The following JAML variants were observed in gnomAD, a reference collection of about 807,000 sequenced individuals.
The protein encoded by JAML is junctional adhesion molecule-like.
JAML carries 25 observed loss-of-function variants against 39.3 expected under a neutral mutation model. The observed-to-expected ratio is 0.64, with a 90% CI of 0.46 to 0.89. The LOEUF (loss-of-function observed/expected upper bound fraction) is 0.89, where lower values mean the gene tolerates loss of function less well. Ranked by LOEUF, JAML falls within the 40% of genes least tolerant of loss-of-function variation. The pLI is 0.00. For synonymous variants in JAML, 162 were observed against 179.2 expected (o/e 0.90, Z 0.77); for missense variants, 440 against 486.9 (o/e 0.90, Z 0.91).
chr11:118,201,830 A>G (rs1948806618), intron 6 of JAML: 1 of 152,232 alleles, frequency 6.6e-6, no homozygotes, highest in East Asian at 1.9e-4. Context: ...GGGGTCTAGG[A>G]AAGGGAAAGA....
intron 2 of JAML, chr11:118,213,365 T>C (rs978580532): frequency 1.4e-5 from 14 of 993,550 alleles, no homozygotes; most frequent in Non-Finnish European, 1.7e-5. Flanking sequence ...GTGATGGGAA[T>C]GAACAGAAAA....
intron 2 of JAML, among the ~76,000 whole-genome samples, chr11:118,214,085 A>C (rs1194203868): frequency 6.6e-6 from 1 of 152,194 alleles, no homozygotes; most frequent in Admixed American, 6.5e-5. Context: ...GAGAAAAAGA[A>C]AAGGCTATGA....
intron 7 of JAML, 134 bp from the exon 8 acceptor site, chr11:118,198,225 C>G (rs1948701259): frequency 1.4e-6 from 1 of 702,194 alleles, no homozygotes; most frequent in South Asian, 1.8e-5. Flanking sequence ...ACTCCTACAG[C>G]CAGGGCTACC....
Position 118,222,514 on chromosome 11 carries a change from T to C in JAML, c.-21+2427A>G, listed in dbSNP as rs1949219595. On this transcript the variant is annotated intron_variant, in intron 1 of 9. Coordinates refer to ENST00000356289, the MANE Select transcript of JAML (RefSeq NM_001098526.2). This position sits in a 1 kb window ranked among gnomAD's most constrained non-coding sequence, Gnocchi z 4.2. ...TTCTGTCTGTCTGTGTATTTATATG[T>C]GTTGTATGTATAGTATTTATATAAA... 2.0e-5 allele frequency among the ~76,000 whole-genome samples: 3 copies of C among 152,222 alleles called. No homozygotes were observed. The South Asian group carries it at 6.2e-4, about 31-fold the overall frequency.
intron 1 of JAML, among the ~76,000 whole-genome samples, chr11:118,221,560 G>C (rs548095291): frequency 6.6e-6 from 1 of 152,192 alleles, no homozygotes; most frequent in African/African-American, 2.4e-5. Context: ...GATCTGAAAG[G>C]AGGCAGAGCT....
Position 118,222,398 on chromosome 11 carries a change from G to A in JAML, c.-21+2543C>T, listed in dbSNP as rs541775249. Among the ~76,000 whole-genome samples, 16 of 151,978 alleles carry A rather than the reference G, an allele frequency of 1.1e-4. No homozygotes were observed. The highest frequency in any genetic ancestry group is 2.7e-4 in the African/African-American group (11 of 41,476). ...TCGCACCACTGCATTCCAACCTGGC[G>A]ACAGAGCGAGACTCCATCTAAACAA... On this transcript the variant is annotated intron_variant, in intron 1 of 9. Transcript: ENST00000356289. This position sits in a 1 kb window ranked among gnomAD's most constrained non-coding sequence, Gnocchi z 4.2.
intron 9 of JAML, 40 bp downstream of exon 9, chr11:118,196,695 C>G: frequency 6.4e-7 from 1 of 1,558,148 alleles, no homozygotes; most frequent in East Asian, 2.2e-5. Context: ...CCACCTGAGC[C>G]TCTGACACCT....
chr11:118,196,540 C>T (rs1274673507), intron 9 of JAML, among the ~76,000 whole-genome samples, 195 bp downstream of exon 9: 2 of 152,180 alleles, frequency 1.3e-5, no homozygotes, highest in South Asian at 2.1e-4. Context: ...TGGTGATAAC[C>T]TTTAATCCTT....
At chr11:118,208,388 C>T (rs957692622) in intron 4 of JAML, among the ~76,000 whole-genome samples, 6 of 152,202 alleles carry the variant, frequency 3.9e-5, no homozygotes, top group African/African-American at 1.4e-4. Context: ...TACTACAACT[C>T]CATTTTTTAG....
At chr11:118,220,323 C>A (rs1949196976) in intron 1 of JAML, among the ~76,000 whole-genome samples, 1 of 152,196 alleles carries the variant, frequency 6.6e-6, no homozygotes, top group Non-Finnish European at 1.5e-5. Flanking sequence ...AGAAAGTGCA[C>A]CCAAGTCCAT....
chr11:118,201,320 C>T (rs1242735864), intron 6 of JAML: 1 of 152,214 alleles, frequency 6.6e-6, no homozygotes, highest in Non-Finnish European at 1.5e-5. Context: ...AAAGTTTAAC[C>T]TAAGACTTAC....
chr11:118,194,515 C>T lies in JAML; in HGVS notation c.1093-98G>A, dbSNP rs965769645. The T allele has an allele frequency of 1.2e-4, 111 of 927,136 alleles. No individual in the cohort carries two copies. The Admixed American group carries it at 2.2e-3, about 18-fold the overall frequency. 57.4% of individuals were successfully genotyped at this position (927,136 alleles called of 1,614,324 possible). A position where few individuals can be genotyped will look rare whatever the true frequency, so the allele number is the denominator to read the frequency against. Reference sequence around the variant, plus strand: ...CATTGAGCTCTTCTCATGAGCCCGGCCCAGTACTGAATTTCATATGCATTA... The same window carrying T: ...CATTGAGCTCTTCTCATGAGCCCGGTCCAGTACTGAATTTCATATGCATTA... On this transcript the variant is annotated intron_variant, in intron 9 of 9. Transcript: ENST00000356289.
chr11:118,219,748 T>C (rs1949189427), intron 1 of JAML, among the ~76,000 whole-genome samples: 2 of 152,226 alleles, frequency 1.3e-5, no homozygotes, highest in African/African-American at 4.8e-5. Flanking sequence ...AGGGGATTGC[T>C]TGGGGACCTC....
Position 118,203,624 on chromosome 11 carries a change from A to G in JAML, c.576T>C (p.Ser192=). The G allele has an allele frequency of 6.2e-7, 1 of 1,614,064 alleles. No individual in the cohort carries two copies. The highest frequency in any genetic ancestry group is 8.5e-7 in the Non-Finnish European group (1 of 1,179,944). ...VFRYYHKLRM[S]VEYSQSWGHF... Reference sequence around the variant, plus strand: ...GGCCCCAGCTCTGGGAGTACTCCACAGACATCCTGAGTTTGTGGTAGTAAC... The same window carrying G: ...GGCCCCAGCTCTGGGAGTACTCCACGGACATCCTGAGTTTGTGGTAGTAAC... Residue 192 remains serine, a synonymous_variant, in exon 6 of 10, where the codon TCT becomes TCC. Coordinates refer to ENST00000356289, the MANE Select transcript of JAML (RefSeq NM_001098526.2).
chr11:118,207,042 C>T (rs1233190138), intron 4 of JAML, among the ~76,000 whole-genome samples: 3 of 152,096 alleles, frequency 2.0e-5, no homozygotes, highest in Non-Finnish European at 2.9e-5. Context: ...TAACTTCCTG[C>T]CCAGCAGGAG....
intron 9 of JAML, among the ~76,000 whole-genome samples, chr11:118,196,417 C>T (rs647573): frequency 0.54 from 81,806 of 151,964 alleles, 22,423 homozygotes; most frequent in South Asian, 0.75. Flanking sequence ...CATGAGCCAC[C>T]ACACCCGGCC....
intron 4 of JAML, among the ~76,000 whole-genome samples, chr11:118,207,686 T>C (rs1187244186): frequency 6.6e-6 from 1 of 152,134 alleles, no homozygotes; most frequent in East Asian, 1.9e-4. Context: ...ATAAAGCAAG[T>C]TGGAGCACGG....
intron 3 of JAML, 132 bp from the exon 4 acceptor site, chr11:118,210,844 G>C: frequency 1.4e-6 from 1 of 719,478 alleles, no homozygotes; most frequent in East Asian, 2.7e-5. Context: ...TTGGTACCCA[G>C]TTAATAAAAA....
At chr11:118,211,506 C>G (rs925109117) in intron 3 of JAML, among the ~76,000 whole-genome samples, 1 of 152,098 alleles carries the variant, frequency 6.6e-6, no homozygotes, top group Non-Finnish European at 1.5e-5. Context: ...CCTCAGCCTC[C>G]CAAAGTGCTG....
Sources: allele counts gnomAD v4.1 joint callset (sites outside exome capture counted in the v4.1 genomes callset), GRCh38; gene constraint gnomAD v4.1.1; non-coding constraint Gnocchi (gnomAD v3.1); transcripts MANE v1.5; gene names NCBI Gene and HGNC (gene_info 2026-07-23, HGNC 2026-07-21).